GIN1: variants seen among roughly 807,000 people sequenced by gnomAD.
GIN1 encodes the protein gypsy retrotransposon integrase-like protein 1.
GIN1 carries 41 observed loss-of-function variants against 51.4 expected under a neutral mutation model. The ratio of observed to expected loss-of-function variants is 0.80; its 90% CI spans 0.62 to 1.04. The LOEUF is 1.04. Among genes scored for constraint, GIN1 ranks in the 50% least tolerant of loss-of-function variants. The pLI, the probability that GIN1 is intolerant of heterozygous loss-of-function variation, is 0.00. For missense variants in GIN1, 610 were observed against 612.4 expected, an observed-to-expected ratio of 1.00 and a Z score of 0.04; for synonymous variants, 222 against 206.5, an observed-to-expected ratio of 1.07 and a Z score of -0.64.
At chr5:103,096,983 G>C (rs1787414129) in intron 6 of GIN1, among the ~76,000 whole-genome samples, 157 bp from the exon 7 acceptor site, 1 of 152,220 alleles carries the variant, frequency 6.6e-6, no homozygotes, top group Admixed American at 6.5e-5. Flanking sequence ...TTCAAAGTCA[G>C]TATTATTAGC....
chr5:103,086,824 T>C lies in GIN1; in HGVS notation c.*1074A>G, dbSNP rs906599250. The C allele has an allele frequency of 6.6e-6, 1 of 152,246 alleles. No individual in the cohort carries two copies. The highest frequency in any genetic ancestry group is 2.4e-5 in the African/African-American group (1 of 41,464). The allele number at this position is 152,246 out of a possible 1,614,324, so 9.4% of individuals were successfully genotyped here. A position where few individuals can be genotyped will look rare whatever the true frequency, so the allele number is the denominator to read the frequency against. ...TACACGTTTGACTCATCTTTTACTT[T>C]TCCCACAGTTCTTTTCATAGTGCTT... On this transcript the variant is annotated 3_prime_UTR_variant, in exon 8 of 8. Transcript: ENST00000399004.
intron 7 of GIN1, among the ~76,000 whole-genome samples, chr5:103,091,082 T>C (rs1259078122): frequency 6.6e-6 from 1 of 152,164 alleles, no homozygotes; most frequent in African/African-American, 2.4e-5. Context: ...ACAAAAAAAA[T>C]TCTCATTCAT....
At chr5:103,092,177 C>T (rs186861105) in intron 7 of GIN1, among the ~76,000 whole-genome samples, 86 of 152,122 alleles carry the variant, frequency 5.7e-4, no homozygotes, top group African/African-American at 2.0e-3. Context: ...TCACCATGCC[C>T]GGCTAATTTT....
At chr5:103,106,932 A>G (rs1554196372) in intron 2 of GIN1, 23 bp from the exon 3 acceptor site, 1 of 1,298,118 alleles carries the variant, frequency 7.7e-7, no homozygotes, top group Non-Finnish European at 1.1e-6. Context: ...ATACCAAAAG[A>G]TAGAATTGCA....
At chr5:103,112,002 C>T (rs1161770699) in intron 1 of GIN1, among the ~76,000 whole-genome samples, 1 of 152,152 alleles carries the variant, frequency 6.6e-6, no homozygotes, top group Non-Finnish European at 1.5e-5. Context: ...AAATCTTTAA[C>T]TTTTGAATAA....
At chr5:103,098,043 C>A (rs193098045) in intron 4 of GIN1, among the ~76,000 whole-genome samples, 1 of 152,018 alleles carries the variant, frequency 6.6e-6, no homozygotes, top group Non-Finnish European at 1.5e-5. Context: ...CCACCACACC[C>A]GGCTAATTTT....
chr5:103,116,588 A>T (rs1788038017), intron 1 of GIN1, among the ~76,000 whole-genome samples: 1 of 152,130 alleles, frequency 6.6e-6, no homozygotes, highest in Non-Finnish European at 1.5e-5. Flanking sequence ...CAGCAAAGAA[A>T]AAGCAGCTAT....
At position 103,097,421 on chromosome 5, in the gene GIN1, T is replaced by C; in HGVS notation, c.901A>G (p.Ser301Gly). ...TTATCACCATCCACTTCATGAAGAC[T>C]ATCTGAAGTCTCAGGCATATAAGGA... ...RNPYMPETSD[S>G]LHEVDGDNTS... Residue 301 changes from serine to glycine, a missense_variant, in exon 6 of 8, where the codon AGT (serine) becomes GGT (glycine). Transcript: ENST00000399004. The C allele has an allele frequency of 6.4e-7, 1 of 1,572,292 alleles. No individual in the cohort carries two copies. The highest frequency in any genetic ancestry group is 8.8e-7 in the Non-Finnish European group (1 of 1,142,270).
At chr5:103,118,037 TATTA>T (rs1380103293) in intron 1 of GIN1, among the ~76,000 whole-genome samples, 13 of 152,270 alleles carry the variant, frequency 8.5e-5, no homozygotes, top group Non-Finnish European at 1.3e-4. Context: ...GGAAAGAGTT[TATTA>T]ATTTTTTATG....
rs534636447 is a variant in GIN1, at chr5:103,110,117, G to A, written c.-7-1403C>T. Among the ~76,000 whole-genome samples the A allele has an allele frequency of 1.5e-4, 23 of 151,096 alleles. 1 individual carries two copies. The highest frequency in any genetic ancestry group is 9.9e-4 in the Admixed American group (15 of 15,138). ...ATAAATCATAAACTTAAATGTGAAA[G>A]ATAAATAACAATGATTCTGGAAGAA... On this transcript the variant is annotated intron_variant, in intron 1 of 7. Transcript: ENST00000399004.
In GIN1 at chr5:103,091,324, C is replaced by T. The variant is rs1213681105; in HGVS notation, c.1295-3152G>A. Among the ~76,000 whole-genome samples the T allele has an allele frequency of 2.0e-5, 3 of 152,066 alleles. No individual in the cohort carries two copies. In the East Asian group the frequency reaches 5.8e-4, roughly 29 times the overall value. On this transcript the variant is annotated intron_variant, in intron 7 of 7. Coordinates refer to ENST00000399004, the MANE Select transcript of GIN1 (RefSeq NM_017676.2). ...TATTAGAAAATTTTAAATTACATAGCTCTTGTATTATTATTCATCTATTGG... is the reference window on the plus strand; with the variant it reads ...TATTAGAAAATTTTAAATTACATAGTTCTTGTATTATTATTCATCTATTGG...
At position 103,097,474 on chromosome 5, in the gene GIN1, G is replaced by C; in HGVS notation, c.848C>G (p.Thr283Arg). The change falls in exon 6 of 8, where the codon ACA (threonine) becomes AGA (arginine). Residue 283 changes from threonine to arginine, a missense_variant. Transcript: ENST00000399004. ...TCGACTAAACATTTGAAAATATGGTGTATTTTTAGTAGGTTCCTATTTTAA... is the reference window on the plus strand; with the variant it reads ...TCGACTAAACATTTGAAAATATGGTCTATTTTTAGTAGGTTCCTATTTTAA... ...NVTHLEPTKN[T>R]PYFQMFSRNP... 6.5e-7 allele frequency: 1 copy of C among 1,538,390 alleles called. No individual in the cohort carries two copies.
At chr5:103,114,685 C>T (rs1002655670) in intron 1 of GIN1, among the ~76,000 whole-genome samples, 1 of 152,124 alleles carries the variant, frequency 6.6e-6, no homozygotes, top group Admixed American at 6.6e-5. Context: ...TTGTGCACAC[C>T]CTCATTGGTA....
In GIN1 at chr5:103,104,793, C is replaced by T. The variant is rs781884656; in HGVS notation, c.387G>A (p.Pro129=). 42 of 1,612,076 alleles carry T rather than the reference C, an allele frequency of 2.6e-5. No individual in the cohort carries two copies. Among genetic ancestry groups the T allele is most frequent in the East Asian group, 1.1e-4 (5 of 44,848 alleles). Residue 129 remains proline (P), a synonymous_variant, in exon 4 of 8, where the codon CCG becomes CCA. Coordinates refer to ENST00000399004, the MANE Select transcript of GIN1 (RefSeq NM_017676.2). ...TTTCCACCTTGAGAAGGTGCTGTTT[C>T]GGTGCTACAATAACTGTATTTTTTG... ...QVAKNTVIVA[P]KQHLLKVENP...
chr5:103,108,486 T>C lies in GIN1; in HGVS notation c.139+83A>G, dbSNP rs1205365570. 4.3e-6 allele frequency: 4 copies of C among 939,698 alleles called. No individual in the cohort carries two copies. The highest frequency in any genetic ancestry group is 6.6e-6 in the Non-Finnish European group (4 of 605,020). The allele number at this position is 939,698 out of a possible 1,614,324, so 58.2% of individuals were successfully genotyped here. A position where few individuals can be genotyped will look rare whatever the true frequency, so the allele number is the denominator to read the frequency against. Reference sequence around the variant, plus strand: ...TAATTGTTTAGCAACAACCAACTACTACAGAAATTCCCAAACTTCCACAAG... The same window carrying C: ...TAATTGTTTAGCAACAACCAACTACCACAGAAATTCCCAAACTTCCACAAG... On this transcript the variant is annotated intron_variant, in intron 2 of 7. Transcript: ENST00000399004.
At position 103,108,719 on chromosome 5, in the gene GIN1, G is replaced by T; in HGVS notation, c.-7-5C>A. ...CCACTACGGACCATTGTGAACCTAG[G>T]TAAAAGGTATTTAAAAAGATAACTT... On this transcript the variant is annotated splice_polypyrimidine_tract_variant and splice_region_variant and intron_variant, in intron 1 of 7. Transcript: ENST00000399004. 1 of 1,568,258 alleles carries T rather than the reference G, an allele frequency of 6.4e-7. No homozygotes were observed. The highest frequency in any genetic ancestry group is 2.3e-5 in the East Asian group (1 of 44,046).
chr5:103,097,199 T>C (rs545089031), intron 6 of GIN1, 115 bp downstream of exon 6: 6 of 666,838 alleles, frequency 9.0e-6, no homozygotes, highest in African/African-American at 1.9e-5. Flanking sequence ...TAAAAAATTA[T>C]GGCAAGTAAG....
In GIN1 at chr5:103,106,836, C is replaced by T. The variant is rs1062032; in HGVS notation, c.213G>A (p.Lys71=). The change falls in exon 3 of 8, where the codon AAG becomes AAA. Residue 71 remains lysine (K), a synonymous_variant. Coordinates refer to ENST00000399004, the MANE Select transcript of GIN1 (RefSeq NM_017676.2). ...RLVIVSEEEK[K]KVLRECHEND... ...TTTCATGGCATTCTCTTAAGACTTTCTTTTTTTCCTCTTCTGAAACAATTA... is the reference window on the plus strand; with the variant it reads ...TTTCATGGCATTCTCTTAAGACTTTTTTTTTTTCCTCTTCTGAAACAATTA... 6.2e-7 allele frequency: 1 copy of T among 1,602,436 alleles called. No individual in the cohort carries two copies. The highest frequency in any genetic ancestry group is 8.5e-7 in the Non-Finnish European group (1 of 1,173,306).
At chr5:103,106,545 A>C in intron 3 of GIN1, 171 bp downstream of exon 3, 1 of 459,916 alleles carries the variant, frequency 2.2e-6, no homozygotes, top group Non-Finnish European at 3.8e-6. Flanking sequence ...TCCTGTTCAA[A>C]TTATACTTAA....
Sources: allele counts gnomAD v4.1 joint callset (sites outside exome capture counted in the v4.1 genomes callset), GRCh38; gene constraint gnomAD v4.1.1; transcripts MANE v1.5; gene names NCBI Gene and HGNC (gene_info 2026-07-23, HGNC 2026-07-21).